The following EPHB1 variants were observed in gnomAD, a reference collection of about 807,000 sequenced individuals.
The protein encoded by EPHB1 is EPH receptor B1, also known as ephrin type-B receptor 1.
In EPHB1, 30 loss-of-function variants were observed where a neutral mutation model predicts 94.4. The ratio of observed to expected loss-of-function variants is 0.32; its 90% confidence interval spans 0.24 to 0.43. EPHB1 has a LOEUF of 0.43. Ranked by LOEUF, EPHB1 falls within the 20% of genes least tolerant of loss-of-function variation. The pLI is 1.00. For missense variants in EPHB1, 1,055 were observed against 1,308.3 expected, an observed-to-expected ratio of 0.81 and a Z score of 2.99; for synonymous variants, 522 against 489.1, an observed-to-expected ratio of 1.07 and a Z score of -0.89.
At chr3:135,199,801 T>A (rs1003517703) in intron 11 of EPHB1, among the ~76,000 whole-genome samples, 1 of 152,242 alleles carries the variant, frequency 6.6e-6, no homozygotes, top group Non-Finnish European at 1.5e-5. Context: ...GTTGTTGTTG[T>A]TGCTCCTAAG....
At chr3:134,915,279 T>C (rs1273114453) in intron 1 of EPHB1, among the ~76,000 whole-genome samples, 2 of 152,122 alleles carry the variant, frequency 1.3e-5, no homozygotes, top group Non-Finnish European at 2.9e-5. Flanking sequence ...GAAGTCATAC[T>C]AGAGTATGAC....
chr3:134,975,781 G>T (rs1420826891), intron 3 of EPHB1, among the ~76,000 whole-genome samples: 1 of 24,200 alleles, frequency 4.1e-5, no homozygotes, highest in African/African-American at 1.0e-3. Context: ...TAAGAGGGCA[G>T]GGGGGGAGTG....
At chr3:135,052,224 C>T (rs1370955237) in intron 3 of EPHB1, among the ~76,000 whole-genome samples, 1 of 152,072 alleles carries the variant, frequency 6.6e-6, no homozygotes, top group Non-Finnish European at 1.5e-5. Flanking sequence ...CTGAACTGGA[C>T]CCATTGAATG....
At chr3:135,059,999 T>C (rs1478481279) in intron 3 of EPHB1, among the ~76,000 whole-genome samples, 3 of 152,224 alleles carry the variant, frequency 2.0e-5, no homozygotes, top group Admixed American at 6.5e-5. Flanking sequence ...AGTGCACAAG[T>C]GTGTTCATCT....
chr3:135,108,938 G>T (rs111699645), intron 4 of EPHB1, among the ~76,000 whole-genome samples: 1 of 152,168 alleles, frequency 6.6e-6, no homozygotes. Context: ...ATCACCTTCA[G>T]TGAGGAGTTA....
At chr3:135,070,984 GGGA>G (rs1170286569) in intron 3 of EPHB1, among the ~76,000 whole-genome samples, 2 of 152,170 alleles carry the variant, frequency 1.3e-5, no homozygotes, top group Non-Finnish European at 2.9e-5. Flanking sequence ...ACTCTGGCCA[GGGA>G]GGGTCAGATG....
At chr3:134,833,923 G>A (rs879471894) in intron 1 of EPHB1, among the ~76,000 whole-genome samples, 13 of 152,296 alleles carry the variant, frequency 8.5e-5, no homozygotes, top group East Asian at 1.9e-4. Context: ...AGATAGTTAC[G>A]GAGGCCCCCA....
chr3:135,086,109 A>G lies in EPHB1; in HGVS notation c.806-20339A>G, dbSNP rs186534760. On this transcript the variant is annotated intron_variant, in intron 3 of 15. Transcript: ENST00000398015. Reference sequence around the variant, plus strand: ...CTTTGCATTTCTGTTGTTCTACTCCACACAAAAGAGATATGAGAGGATGCA... The same window carrying G: ...CTTTGCATTTCTGTTGTTCTACTCCGCACAAAAGAGATATGAGAGGATGCA... 1.9e-3 allele frequency among the ~76,000 whole-genome samples: 289 copies of G among 152,218 alleles called. 4 individuals carry two copies. Among genetic ancestry groups the G allele is most frequent in the African/African-American group, 6.7e-3 (280 of 41,528 alleles).
At chr3:135,111,974 A>G (rs540194436) in intron 4 of EPHB1, among the ~76,000 whole-genome samples, 78 of 152,362 alleles carry the variant, frequency 5.1e-4, no homozygotes, top group Admixed American at 3.9e-4. Flanking sequence ...CACCGCGCCC[A>G]GCCCATTTTC....
At chr3:134,973,725 T>C (rs4955531) in intron 3 of EPHB1, among the ~76,000 whole-genome samples, 62,350 of 151,942 alleles carry the variant, frequency 0.41, 13,753 homozygotes, top group African/African-American at 0.56. Flanking sequence ...AGCCACTGCA[T>C]CTGGCTTGTC....
In EPHB1 at chr3:134,925,874, G is replaced by C. The variant is rs762148161; in HGVS notation, c.117G>C (p.Ala39=). 8.1e-6 allele frequency: 13 copies of C among 1,602,734 alleles called. No homozygotes were observed. Among genetic ancestry groups the C allele is most frequent in the African/African-American group, 1.3e-5 (1 of 74,638 alleles). Residue 39 remains alanine (A), a synonymous_variant, in exon 2 of 16, where the codon GCG becomes GCC. Coordinates refer to ENST00000398015, the MANE Select transcript of EPHB1 (RefSeq NM_004441.5). Reference sequence around the variant, plus strand: ...AGCTGGGCTGGACGGCCAATCCTGCGTCCGGGGTGAGTATCAAACCATTCG... The same window carrying C: ...AGCTGGGCTGGACGGCCAATCCTGCCTCCGGGGTGAGTATCAAACCATTCG... The part of the protein sequence containing the change: ...TAELGWTANP[A]SGWEEVSGYD...
chr3:135,230,608 C>A (rs1220780837), intron 12 of EPHB1, among the ~76,000 whole-genome samples: 4 of 152,082 alleles, frequency 2.6e-5, no homozygotes, highest in African/African-American at 7.2e-5. Context: ...ATAATTTTGG[C>A]TTTTACTTTA....
intron 3 of EPHB1, among the ~76,000 whole-genome samples, chr3:135,052,630 G>T (rs1937201760): frequency 6.6e-6 from 1 of 151,418 alleles, no homozygotes; most frequent in Admixed American, 6.6e-5. Flanking sequence ...GGGAGGCCGA[G>T]GCGGGCGGAT....
chr3:135,029,362 T>C (rs1355490138), intron 3 of EPHB1, among the ~76,000 whole-genome samples: 4 of 151,994 alleles, frequency 2.6e-5, no homozygotes, highest in African/African-American at 4.8e-5. Context: ...CAGCTGGTAC[T>C]GGTTGTTCCT....
At chr3:135,152,407 C>G (rs1465378150) in intron 5 of EPHB1, among the ~76,000 whole-genome samples, 2 of 152,178 alleles carry the variant, frequency 1.3e-5, no homozygotes, top group Non-Finnish European at 2.9e-5. Context: ...AGCTTGGCAG[C>G]AAATTCCCAA....
At chr3:134,990,157 T>A (rs1295931793) in intron 3 of EPHB1, among the ~76,000 whole-genome samples, 1 of 152,216 alleles carries the variant, frequency 6.6e-6, no homozygotes, top group African/African-American at 2.4e-5. Context: ...ACTCTCTCCC[T>A]TCCCTGAGAT....
At chr3:135,049,450 A>G (rs1937103008) in intron 3 of EPHB1, among the ~76,000 whole-genome samples, 1 of 152,122 alleles carries the variant, frequency 6.6e-6, no homozygotes, top group Non-Finnish European at 1.5e-5. Flanking sequence ...ATCAACTGAG[A>G]ACTCAGCTGG....
At chr3:134,998,218 C>T (rs1393218430) in intron 3 of EPHB1, among the ~76,000 whole-genome samples, 13 of 152,124 alleles carry the variant, frequency 8.5e-5, no homozygotes, top group Admixed American at 7.2e-4. Flanking sequence ...CTGTCTTTAC[C>T]CCCTCTCACA....
At chr3:135,141,763 C>CGTA (rs1465624940) in intron 5 of EPHB1, among the ~76,000 whole-genome samples, 1 of 152,010 alleles carries the variant, frequency 6.6e-6, no homozygotes, top group African/African-American at 2.4e-5. Context: ...GATGAGGTAC[C>CGTA]ACCAGTAACC....
Sources: allele counts gnomAD v4.1 joint callset (sites outside exome capture counted in the v4.1 genomes callset), GRCh38; gene constraint gnomAD v4.1.1; transcripts MANE v1.5; gene names NCBI Gene and HGNC (gene_info 2026-07-23, HGNC 2026-07-21).